Variants in PRCD observed in about 807,000 individuals in gnomAD.
PRCD encodes the protein photoreceptor disc component.
Under a neutral mutation model 10.1 loss-of-function variants are expected in PRCD, and 12 were observed. That is an observed-to-expected ratio of 1.18 (90% CI 0.76 to 1.92). The LOEUF (loss-of-function observed/expected upper bound fraction) is 1.92. Ranked by LOEUF, PRCD falls within the 40% of genes most tolerant of loss-of-function variation. The pLI is 0.00. For synonymous variants in PRCD, 31 were observed against 26.2 expected (o/e 1.18, Z -0.56); for missense variants, 61 against 72.2 (o/e 0.84, Z 0.56).
At chr17:76,534,930 G>A (rs1455605255) in intron 1 of PRCD, among the ~76,000 whole-genome samples, 4 of 152,224 alleles carry the variant, frequency 2.6e-5, no homozygotes, top group Admixed American at 2.0e-4. Flanking sequence ...AGACCCTCCC[G>A]GTCTCAGCCT....
At chr17:76,534,382 C>T (rs2074891023) in intron 1 of PRCD, among the ~76,000 whole-genome samples, 2 of 152,112 alleles carry the variant, frequency 1.3e-5, no homozygotes, top group Admixed American at 6.5e-5. Flanking sequence ...TTTCGCCATG[C>T]TGGCCAGGCT....
chr17:76,551,509 TTA>T (rs1269823274), intron 1 of PRCD: 2 of 152,180 alleles, frequency 1.3e-5, no homozygotes, highest in African/African-American at 4.8e-5. Context: ...AGGGTCTGTG[TTA>T]TATTTCTCCT....
chr17:76,539,945 C>T, upstream of PRCD: 1 of 615,744 alleles, frequency 1.6e-6, no homozygotes, highest in Non-Finnish European at 2.9e-6. Context: ...AGGGGAGAAC[C>T]TGGGCCCAGT....
At chr17:76,542,486 G>A in intron 2 of PRCD, 67 bp from the exon 3 acceptor site, 2 of 1,583,108 alleles carry the variant, frequency 1.3e-6, no homozygotes, top group Non-Finnish European at 1.7e-6. Context: ...GGAGGAGGAA[G>A]AGGAGAGTCA....
chr17:76,548,991 G>A (rs1042410569), downstream of PRCD, among the ~76,000 whole-genome samples: 2 of 152,196 alleles, frequency 1.3e-5, no homozygotes, highest in Non-Finnish European at 2.9e-5. Flanking sequence ...CAGAGGTCAA[G>A]ACAGTGTGAG....
Position 76,544,307 on chromosome 17 carries a change from T to TG in PRCD, c.*659dup, listed in dbSNP as rs1244765615. On this transcript the variant is annotated 3_prime_UTR_variant, in exon 5 of 5. Transcript: ENST00000592014. Reference sequence around the variant, plus strand: ...CCCTTGACTTCCAGGCAGTAGAAGATGGAGTTCTCTAGACAGCAGCACTTC... The same window carrying TG: ...CCCTTGACTTCCAGGCAGTAGAAGATGGGAGTTCTCTAGACAGCAGCACTTC... The TG allele has an allele frequency of 2.2e-6, 1 of 454,330 alleles. No individual in the cohort carries two copies. The highest frequency in any genetic ancestry group is 2.3e-5 in the Admixed American group (1 of 42,568). The allele number at this position is 454,330 out of a possible 1,614,324, so 28.1% of individuals were successfully genotyped here. A position where few individuals can be genotyped will look rare whatever the true frequency, so the allele number is the denominator to read the frequency against.
chr17:76,537,516 C>A (rs150421211), upstream of PRCD: 1 of 1,573,318 alleles, frequency 6.4e-7, no homozygotes, highest in African/African-American at 1.4e-5. Flanking sequence ...TGCGCTCGAT[C>A]TCCATCTCGC....
chr17:76,551,675 T>G (rs2075110284), intron 1 of PRCD: 1 of 152,166 alleles, frequency 6.6e-6, no homozygotes. Flanking sequence ...CTAAGAACTC[T>G]CAGGAAAAAA....
upstream of PRCD, among the ~76,000 whole-genome samples, chr17:76,536,967 C>T (rs1353627661): frequency 1.3e-5 from 2 of 152,248 alleles, no homozygotes; most frequent in African/African-American, 4.8e-5. Flanking sequence ...AGCCGCTGAG[C>T]TGGAGACAGG....
chr17:76,546,896 C>T (rs2075058713), downstream of PRCD: 1 of 152,212 alleles, frequency 6.6e-6, no homozygotes, highest in Admixed American at 6.5e-5. This position sits in a 1 kb window ranked among gnomAD's most constrained non-coding sequence, Gnocchi z 4.5. Context: ...CAAGGTCACT[C>T]ATAGCTGGCA....
rs1004240103 is a variant in PRCD at position 76,540,925 on chromosome 17, C to CCCT, written c.143+363_143+365dup. Among the ~76,000 whole-genome samples, 10 of 152,242 alleles carry CCCT rather than the reference C, an allele frequency of 6.6e-5. No homozygotes were observed. The highest frequency in any genetic ancestry group is 2.2e-4 in the African/African-American group (9 of 41,570). On this transcript the variant is annotated intron_variant, in intron 2 of 4. Transcript: ENST00000592014. The surrounding 1 kb of genome is among the most constrained non-coding windows in gnomAD (Gnocchi z 5.0). ...TTTGCTCGCCTTTCCTTGCCCTTCC[C>CCCT]CCTCCTCCTCCTCTGCCCCCGCCCT...
Position 76,528,321 on chromosome 17 carries a change from T to C in PRCD, n.45+488T>C. ...TGCCAGCCGCTCAGCTAGGTCTCTC[T>C]CTAACAGTGAGTAGAAAAGCTAAGA... On this transcript the variant is annotated intron_variant and non_coding_transcript_variant, in intron 1 of 4. Transcript: ENST00000397633. The surrounding 1 kb of genome is among the most constrained non-coding windows in gnomAD (Gnocchi z 5.8). 2.5e-6 allele frequency: 1 copy of C among 403,290 alleles called. No individual in the cohort carries two copies. 25.0% of individuals were successfully genotyped at this position (403,290 alleles called of 1,614,324 possible).
Position 76,533,704 on chromosome 17 carries a change from C to CA in PRCD, n.45+5872dup, listed in dbSNP as rs1385266533. ...TGCCATTGCACTCCAGCCTGGGTGA[C>CA]AGAGTGAGACCCTGAATCCAAAGAA... On this transcript the variant is annotated intron_variant and non_coding_transcript_variant, in intron 1 of 4. Coordinates refer to the PRCD transcript ENST00000397633. The surrounding 1 kb of genome is among the most constrained non-coding windows in gnomAD (Gnocchi z 4.5). Among the ~76,000 whole-genome samples, 26 of 152,088 alleles carry CA rather than the reference C, an allele frequency of 1.7e-4. No homozygotes were observed. The East Asian group carries it at 5.0e-3, about 29-fold the overall frequency.
rs1441518621 is a variant in PRCD at position 76,531,766 on chromosome 17, G to GA, written n.45+3933_45+3934insA. On this transcript the variant is annotated intron_variant and non_coding_transcript_variant, in intron 1 of 4. Coordinates refer to the PRCD transcript ENST00000397633. The surrounding 1 kb of genome is among the most constrained non-coding windows in gnomAD (Gnocchi z 7.4). ...CCACCCTGAAGCTTCCAGGATAGTGGGGGCTGAAGAAGTGGACCGCAGTGC... is the reference window on the plus strand; with the variant it reads ...CCACCCTGAAGCTTCCAGGATAGTGGAGGGCTGAAGAAGTGGACCGCAGTGC... 7.7e-7 allele frequency: 1 copy of GA among 1,291,524 alleles called. No individual in the cohort carries two copies. 80.0% of individuals were successfully genotyped at this position (1,291,524 alleles called of 1,614,324 possible). A position where few individuals can be genotyped will look rare whatever the true frequency, so the allele number is the denominator to read the frequency against.
At chr17:76,541,073 A>C (rs1201496752) in intron 2 of PRCD, among the ~76,000 whole-genome samples, 1 of 152,206 alleles carries the variant, frequency 6.6e-6, no homozygotes, top group Non-Finnish European at 1.5e-5. Context: ...TGCGGGCAGG[A>C]CGCTGTCTCC....
chr17:76,528,676 A>T lies in PRCD; in HGVS notation n.45+843A>T. On this transcript the variant is annotated intron_variant and non_coding_transcript_variant, in intron 1 of 4. Transcript: ENST00000397633. This position sits in a 1 kb window ranked among gnomAD's most constrained non-coding sequence, Gnocchi z 5.8. ...AGGCAGGGAAGGACCCTCGGGGGAA[A>T]GGGGGAGGACCTGGGGCTGGCGAGG... 8.1e-7 allele frequency: 1 copy of T among 1,237,888 alleles called. No homozygotes were observed. Among genetic ancestry groups the T allele is most frequent in the Non-Finnish European group, 1.0e-6 (1 of 976,754 alleles). 76.7% of individuals were successfully genotyped at this position (1,237,888 alleles called of 1,614,324 possible). A position where few individuals can be genotyped will look rare whatever the true frequency, so the allele number is the denominator to read the frequency against.
At chr17:76,537,302 A>C, upstream of PRCD, 2 of 1,310,982 alleles carry the variant, frequency 1.5e-6, no homozygotes, top group Non-Finnish European at 2.0e-6. Context: ...GCGGCTGGGG[A>C]GGTGGCGCTG....
At chr17:76,538,501 C>T (rs532445018), upstream of PRCD, 43 of 466,770 alleles carry the variant, frequency 9.2e-5, no homozygotes, top group East Asian at 2.0e-3. Context: ...ATGAATGACA[C>T]GGACAGGCAA....
downstream of PRCD, chr17:76,545,406 T>C (rs781746365): frequency 3.1e-5 from 14 of 456,116 alleles, no homozygotes; most frequent in African/African-American, 2.6e-4. Flanking sequence ...TTTTCATCCC[T>C]TTCCTTGCAA....
Sources: gnomAD v4.1 joint callset for allele counts (sites outside exome capture counted in the v4.1 genomes callset) on GRCh38, gnomAD v4.1.1 for gene constraint, Gnocchi (gnomAD v3.1) non-coding constraint, MANE v1.5 for transcripts, NCBI Gene and HGNC (gene_info 2026-07-23, HGNC 2026-07-21) for gene names.